The following WDR27 variants were observed in gnomAD, a reference collection of about 807,000 sequenced individuals.
The protein encoded by WDR27 is WD repeat-containing protein 27.
WDR27 carries 100 observed loss-of-function variants against 114.4 expected under a neutral mutation model. That is an observed-to-expected ratio of 0.87 (90% CI 0.74 to 1.03). The LOEUF is 1.03. Ranked by LOEUF, WDR27 falls within the 50% of genes least tolerant of loss-of-function variation. The pLI is 0.00. For missense variants in WDR27, 1,129 were observed against 1,092.9 expected (o/e 1.03, Z -0.47); for synonymous variants, 449 against 423.1 (o/e 1.06, Z -0.75).
intron 2 of WDR27, among the ~76,000 whole-genome samples, chr6:169,673,284 A>G (rs1431775403): frequency 6.6e-6 from 1 of 152,198 alleles, no homozygotes; most frequent in Non-Finnish European, 1.5e-5. Context: ...TAAATAGACA[A>G]CAGGCAGTTT....
intron 1 of WDR27, among the ~76,000 whole-genome samples, chr6:169,700,131 G>A (rs4130649): frequency 0.013 from 1,995 of 152,322 alleles, 28 homozygotes; most frequent in Middle Eastern, 0.058. Flanking sequence ...CCAAAAGGGA[G>A]ATGGTTACAA....
rs930894174 is a variant in WDR27, at chr6:169,632,216, G to A, written c.2223+731C>T. On this transcript the variant is annotated intron_variant, in intron 21 of 25. Transcript: ENST00000448612. ...AAAAAAAAAAAAAAAAAAAGAAGACGCAAAATGTGTTAACCTGTGGATAAC... is the reference window on the plus strand; with the variant it reads ...AAAAAAAAAAAAAAAAAAAGAAGACACAAAATGTGTTAACCTGTGGATAAC... Among the ~76,000 whole-genome samples, 8 of 148,938 alleles carry A rather than the reference G, an allele frequency of 5.4e-5. No homozygotes were observed. In the South Asian group the frequency reaches 6.4e-4, roughly 12 times the overall value.
At chr6:169,475,693 G>A (rs926682477) in intron 25 of WDR27, among the ~76,000 whole-genome samples, 1 of 152,152 alleles carries the variant, frequency 6.6e-6, no homozygotes, top group Non-Finnish European at 1.5e-5. Context: ...TATGTATCAA[G>A]CCTGAAAATA....
intron 25 of WDR27, among the ~76,000 whole-genome samples, chr6:169,571,935 T>A (rs1801495277): frequency 6.6e-6 from 1 of 152,126 alleles, no homozygotes; most frequent in Admixed American, 6.6e-5. Context: ...AGAACTATAT[T>A]CAGAAATAAC....
At chr6:169,503,038 A>T (rs1375083138) in intron 25 of WDR27, among the ~76,000 whole-genome samples, 1 of 151,972 alleles carries the variant, frequency 6.6e-6, no homozygotes, top group Non-Finnish European at 1.5e-5. Context: ...ATTTCATGAG[A>T]CTCTGCGGAG....
At chr6:169,518,521 G>A (rs1032820987) in intron 25 of WDR27, among the ~76,000 whole-genome samples, 2 of 152,208 alleles carry the variant, frequency 1.3e-5, no homozygotes, top group African/African-American at 4.8e-5. Flanking sequence ...AGCTGTGGCT[G>A]GAGCTAGAAT....
chr6:169,523,898 C>T (rs1025486357), intron 25 of WDR27, among the ~76,000 whole-genome samples: 1 of 152,136 alleles, frequency 6.6e-6, no homozygotes, highest in African/African-American at 2.4e-5. Flanking sequence ...AGAATCTCTA[C>T]TTTTACCATG....
At chr6:169,514,511 T>C (rs1010413335) in intron 25 of WDR27, among the ~76,000 whole-genome samples, 16 of 135,264 alleles carry the variant, frequency 1.2e-4, no homozygotes, top group African/African-American at 4.4e-4. Context: ...ATGTATTTTT[T>C]CCCCAACTAT....
At chr6:169,580,933 T>TATATATA (rs1803267680) in intron 24 of WDR27, among the ~76,000 whole-genome samples, 1 of 53,684 alleles carries the variant, frequency 1.9e-5, no homozygotes, top group Non-Finnish European at 4.3e-5. Flanking sequence ...TTAGTGAATT[T>TATATATA]TATATATATA....
chr6:169,617,054 A>G, intron 21 of WDR27, among the ~76,000 whole-genome samples: 1 of 152,220 alleles, frequency 6.6e-6, no homozygotes, highest in East Asian at 1.9e-4. Context: ...AGGCTCAACA[A>G]TGCACAATGT....
At chr6:169,435,509 G>A in the WDR27 span, among the ~76,000 whole-genome samples, 2 of 152,226 alleles carry the variant, frequency 1.3e-5, no homozygotes, top group Non-Finnish European at 2.9e-5. Context: ...AAGGCTGTGG[G>A]AGTCCACCTC....
At chr6:169,622,781 A>G (rs1251553555) in intron 21 of WDR27, among the ~76,000 whole-genome samples, 1 of 152,318 alleles carries the variant, frequency 6.6e-6, no homozygotes, top group Non-Finnish European at 1.5e-5. Flanking sequence ...CAAAATTACA[A>G]CTGAGACAGT....
intron 25 of WDR27, among the ~76,000 whole-genome samples, chr6:169,487,530 T>C (rs1249234810): frequency 2.0e-5 from 3 of 152,034 alleles, no homozygotes; most frequent in Non-Finnish European, 2.9e-5. Flanking sequence ...TTGAAAGGGG[T>C]CGCAAACCTC....
chr6:169,483,986 T>C (rs1038413023), intron 25 of WDR27, among the ~76,000 whole-genome samples: 5 of 152,058 alleles, frequency 3.3e-5, no homozygotes, highest in African/African-American at 9.7e-5. Flanking sequence ...CTTTTATATT[T>C]AAAAATCTCA....
chr6:169,585,865 C>T (rs1237512263), intron 23 of WDR27, among the ~76,000 whole-genome samples: 2 of 151,936 alleles, frequency 1.3e-5, no homozygotes, highest in Admixed American at 6.6e-5. Flanking sequence ...CAGGCTCACT[C>T]GGTGTAACTT....
chr6:169,667,383 A>G, intron 5 of WDR27, 196 bp from the exon 6 acceptor site: 1 of 1,232,364 alleles, frequency 8.1e-7, no homozygotes, highest in Non-Finnish European at 1.0e-6. Flanking sequence ...AGAAAAAAAT[A>G]ACATCACTTC....
intron 16 of WDR27, among the ~76,000 whole-genome samples, chr6:169,645,009 AAAAAAAAAAAAAATAAAAAAAAAAAAT>A: frequency 1.8e-5 from 1 of 56,502 alleles, no homozygotes; most frequent in African/African-American, 1.7e-4. Context: ...ACTCCGTCTC[AAAAAAAAAAAAAATAAAAAAAAAAAAT>A]AAAAAAAAAA....
the WDR27 span, among the ~76,000 whole-genome samples, chr6:169,445,459 T>C: frequency 1.3e-5 from 2 of 152,206 alleles, no homozygotes; most frequent in Non-Finnish European, 2.9e-5. Flanking sequence ...TCTGCCCCTG[T>C]TTCCCCAGCT....
intron 25 of WDR27, among the ~76,000 whole-genome samples, chr6:169,569,583 C>A (rs74903328): frequency 0.013 from 2,044 of 152,176 alleles, 49 homozygotes; most frequent in African/African-American, 0.047. Context: ...ATTTTAAGTT[C>A]TCTTAAAAAT....
Sources: gnomAD v4.1 joint callset for allele counts (sites outside exome capture counted in the v4.1 genomes callset) on GRCh38, gnomAD v4.1.1 for gene constraint, MANE v1.5 for transcripts, NCBI Gene and HGNC (gene_info 2026-07-23, HGNC 2026-07-21) for gene names.